RSPH14: variants seen among roughly 807,000 people sequenced by gnomAD.
RSPH14 encodes the protein radial spoke head 14 homolog, also known as rhabdoid tumor deletion region gene 1.
RSPH14 carries 20 observed loss-of-function variants against 26.7 expected under a neutral mutation model. The observed-to-expected ratio is 0.75, with a 90% CI of 0.53 to 1.09. RSPH14 has a LOEUF of 1.09. Among genes scored for constraint, RSPH14 ranks in the 50% least tolerant of loss-of-function variants. The pLI is 0.00. For synonymous variants in RSPH14, 177 were observed against 189.3 expected (o/e 0.93, Z 0.53); for missense variants, 449 against 457.2 (o/e 0.98, Z 0.16).
At chr22:23,092,561 T>C (rs758436781) in intron 4 of RSPH14, among the ~76,000 whole-genome samples, 1 of 152,208 alleles carries the variant, frequency 6.6e-6, no homozygotes, top group Non-Finnish European at 1.5e-5. Context: ...CCCTGATGCA[T>C]GTGATTGCTA....
At chr22:23,142,970 T>G (rs1046109134), upstream of RSPH14, among the ~76,000 whole-genome samples, 1 of 152,202 alleles carries the variant, frequency 6.6e-6, no homozygotes. Flanking sequence ...TCTGTAACAC[T>G]AATTATTACC....
intron 4 of RSPH14, chr22:23,123,310 A>T (rs1399649296): frequency 6.2e-7 from 1 of 1,613,480 alleles, no homozygotes. Context: ...CGCAACAAGG[A>T]GACCAAGGAG....
intron 4 of RSPH14, among the ~76,000 whole-genome samples, chr22:23,076,962 T>C (rs1032566373): frequency 2.0e-5 from 3 of 152,206 alleles, no homozygotes; most frequent in Non-Finnish European, 2.9e-5. Flanking sequence ...AGTTGGAAGC[T>C]CTGGGCTGGG....
In RSPH14 at chr22:23,070,506, G is replaced by GCCGCC. The variant is rs1229985196; in HGVS notation, c.422-6378_422-6374dup. On this transcript the variant is annotated intron_variant, in intron 4 of 6. Coordinates refer to ENST00000216036, the MANE Select transcript of RSPH14 (RefSeq NM_014433.3). The stretch of plus-strand genomic sequence containing the variant: ...ACGAGGGCGCCGCGGCCCCGTGCTC[G>GCCGCC]CCGCCCCGCCCCGCCCCGCCCTGCC... The GCCGCC allele has an allele frequency of 2.1e-3, 321 of 150,400 alleles. 1 individual carries two copies. Among genetic ancestry groups the GCCGCC allele is most frequent in the East Asian group, 6.5e-3 (33 of 5,066 alleles). 9.3% of individuals were successfully genotyped at this position (150,400 alleles called of 1,614,324 possible).
At chr22:23,118,115 A>G (rs1239059025) in intron 4 of RSPH14, among the ~76,000 whole-genome samples, 2 of 152,190 alleles carry the variant, frequency 1.3e-5, no homozygotes, top group Non-Finnish European at 2.9e-5. Context: ...TCCCTTCCAC[A>G]ATGGCAAGTC....
At chr22:23,084,706 C>T (rs1400351716) in intron 4 of RSPH14, among the ~76,000 whole-genome samples, 1 of 152,210 alleles carries the variant, frequency 6.6e-6, no homozygotes, top group Admixed American at 6.5e-5. Flanking sequence ...GCTGCAGCCC[C>T]GCCCTTCACT....
intron 4 of RSPH14, among the ~76,000 whole-genome samples, chr22:23,090,371 C>G (rs1341483002): frequency 6.6e-6 from 1 of 152,184 alleles, no homozygotes; most frequent in Non-Finnish European, 1.5e-5. Context: ...CTCACTGCAT[C>G]CACTTCCCCC....
chr22:23,102,604 C>T (rs554452308), intron 4 of RSPH14, among the ~76,000 whole-genome samples: 4 of 152,316 alleles, frequency 2.6e-5, no homozygotes, highest in East Asian at 3.9e-4. Context: ...GCTTGGGCTG[C>T]CCCCACACCT....
chr22:23,143,598 C>A (rs989593852), upstream of RSPH14, among the ~76,000 whole-genome samples: 5 of 152,152 alleles, frequency 3.3e-5, no homozygotes, highest in African/African-American at 1.2e-4. Context: ...CCCCTTTGTC[C>A]TGCCATTTCT....
the RSPH14 span, among the ~76,000 whole-genome samples, chr22:23,173,622 G>GTT: frequency 1.4e-3 from 152 of 112,286 alleles, 11 homozygotes; most frequent in East Asian, 3.8e-3. Flanking sequence ...TTTATTTTTG[G>GTT]TTTTTTGTTT....
At position 23,122,047 on chromosome 22, in the gene RSPH14, C is replaced by T. The variant is rs561707644; in HGVS notation, c.421+11979G>A. 2.0e-5 allele frequency among the ~76,000 whole-genome samples: 3 copies of T among 152,246 alleles called. No homozygotes were observed. The South Asian group carries it at 6.2e-4, about 32-fold the overall frequency. ...CGCCTGGCCAGAAAAGTTCTTAAAT[C>T]CAAAGCATCAGATCTAAGCCAGATT... On this transcript the variant is annotated intron_variant, in intron 4 of 6. Coordinates refer to ENST00000216036, the MANE Select transcript of RSPH14 (RefSeq NM_014433.3).
rs28688689 is a variant in RSPH14 at position 23,113,696 on chromosome 22, C to T, written c.421+20330G>A. Among the ~76,000 whole-genome samples, 772 of 152,334 alleles carry T rather than the reference C, an allele frequency of 5.1e-3. 5 individuals carry two copies. The highest frequency in any genetic ancestry group is 0.018 in the African/African-American group (748 of 41,580). ...CTCGGTACACCTGCCAGGACCTCGG[C>T]GCATCATCAGATGGTGGGGCCCACT... On this transcript the variant is annotated intron_variant, in intron 4 of 6. Transcript: ENST00000216036.
chr22:23,142,237 A>G (rs2070618945), upstream of RSPH14: 1 of 153,950 alleles, frequency 6.5e-6, no homozygotes, highest in East Asian at 1.9e-4. Context: ...GGTACTTTGC[A>G]TGCCTCTGAT....
In RSPH14 at chr22:23,140,334, G is replaced by T. The variant is rs1308512884; in HGVS notation, c.87C>A (p.Pro29=). The change falls in exon 2 of 7, where the codon CCC becomes CCA. Residue 29 remains proline, a synonymous_variant. Transcript: ENST00000216036. ...CTGACTGCAGCTCCTCCTTCAGCTT[G>T]GGCAGGGCCCGATGGCCATAGGCAG... ...ITTAYGHRAL[P]KLKEELQSED... is the part of the protein sequence containing the mutation. 6.2e-7 allele frequency: 1 copy of T among 1,614,190 alleles called. No individual in the cohort carries two copies. The highest frequency in any genetic ancestry group is 8.5e-7 in the Non-Finnish European group (1 of 1,180,034).
At chr22:23,094,271 A>T (rs565306504) in intron 4 of RSPH14, among the ~76,000 whole-genome samples, 2 of 152,272 alleles carry the variant, frequency 1.3e-5, no homozygotes, top group East Asian at 3.9e-4. Context: ...CCCTGGGCTC[A>T]CAGCCGGGGA....
intron 5 of RSPH14, among the ~76,000 whole-genome samples, chr22:23,063,090 T>C (rs2068127356): frequency 6.6e-6 from 1 of 151,990 alleles, no homozygotes; most frequent in African/African-American, 2.4e-5. Context: ...GAGAGAGCTC[T>C]CTCCTGGAAA....
At chr22:23,170,093 TA>T in the RSPH14 span, among the ~76,000 whole-genome samples, 42,282 of 136,852 alleles carry the variant, frequency 0.31, 6,411 homozygotes, top group African/African-American at 0.39. Flanking sequence ...CAAGACCCTT[TA>T]AAAAAAAAAA....
intron 4 of RSPH14, among the ~76,000 whole-genome samples, chr22:23,067,226 T>C (rs1305674155): frequency 6.6e-6 from 1 of 151,988 alleles, no homozygotes; most frequent in African/African-American, 2.4e-5. Flanking sequence ...TTCTTTGTGG[T>C]GGGGCAGGGC....
At chr22:23,084,270 A>T (rs1246865654) in intron 4 of RSPH14, among the ~76,000 whole-genome samples, 1 of 152,226 alleles carries the variant, frequency 6.6e-6, no homozygotes, top group East Asian at 1.9e-4. Context: ...TAGAAGCCTT[A>T]CTTTGAGTAC....
Sources: gnomAD v4.1 joint callset for allele counts (sites outside exome capture counted in the v4.1 genomes callset) on GRCh38, gnomAD v4.1.1 for gene constraint, MANE v1.5 for transcripts, NCBI Gene and HGNC (gene_info 2026-07-23, HGNC 2026-07-21) for gene names.